MAST4: variants seen among roughly 807,000 people sequenced by gnomAD.
The protein encoded by MAST4 is microtubule associated serine/threonine kinase family member 4.
In MAST4, 89 loss-of-function variants were observed where a neutral mutation model predicts 162.7. That is an observed-to-expected ratio of 0.55 (90% confidence interval 0.46 to 0.65). The LOEUF is 0.65. Among genes scored for constraint, MAST4 ranks in the 30% least tolerant of loss-of-function variants. The probability of loss-of-function intolerance (pLI) is 0.00; values close to 1 mark genes in which losing one functional copy is unlikely to be tolerated. For missense variants in MAST4, 3,153 were observed against 3,374.0 expected (o/e 0.93, Z 1.62); for synonymous variants, 1,479 against 1,361.1 (o/e 1.09, Z -1.91).
At chr5:66,948,937 A>G (rs1561470625) in intron 4 of MAST4, among the ~76,000 whole-genome samples, 1 of 151,756 alleles carries the variant, frequency 6.6e-6, no homozygotes, top group African/African-American at 2.4e-5. Context: ...TTTAATTCAC[A>G]CCCCCCCAAC....
intron 1 of MAST4, among the ~76,000 whole-genome samples, chr5:66,601,215 T>C (rs928705531): frequency 2.6e-5 from 4 of 152,204 alleles, no homozygotes; most frequent in Non-Finnish European, 5.9e-5. Flanking sequence ...TCACAGAAGC[T>C]ACATAATTCT....
Position 67,164,537 on chromosome 5 carries a change from C to T in MAST4, c.5358C>T (p.Ser1786=), listed in dbSNP as rs780345404. 45 of 1,613,858 alleles carry T rather than the reference C, an allele frequency of 2.8e-5. No homozygotes were observed. The Admixed American group carries it at 2.8e-4, about 10-fold the overall frequency. ...AGTCCCCTGTTAGGAAGAGCCCCTC[C>T]GAGTATAAGCTGGAAGGTAGGTCTG... ...APESPVRKSP[S]EYKLEGRSVS... is the part of the protein sequence containing the mutation. The change falls in exon 29 of 29, where the codon TCC becomes TCT. Residue 1786 remains serine, a synonymous_variant. Coordinates refer to ENST00000403625, the MANE Select transcript of MAST4 (RefSeq NM_001164664.2). The surrounding 1 kb of genome is among the most constrained non-coding windows in gnomAD (Gnocchi z 5.3).
chr5:66,845,671 T>C (rs1438552987), intron 3 of MAST4, among the ~76,000 whole-genome samples: 1 of 152,114 alleles, frequency 6.6e-6, no homozygotes, highest in Non-Finnish European at 1.5e-5. Context: ...TAGTTCTCGA[T>C]CCTTGAGGGA....
At chr5:67,098,386 G>C (rs1444423585) in intron 7 of MAST4, among the ~76,000 whole-genome samples, 1 of 152,096 alleles carries the variant, frequency 6.6e-6, no homozygotes, top group Non-Finnish European at 1.5e-5. Context: ...TTTCCAATGT[G>C]ATATTCAGAT....
chr5:66,789,731 A>G (rs1468893063), intron 3 of MAST4: 1 of 518,802 alleles, frequency 1.9e-6, no homozygotes, highest in Non-Finnish European at 3.8e-6. Flanking sequence ...TCTCCACTGT[A>G]GTTACCACTT....
At chr5:66,821,944 TC>T (rs1438728184) in intron 3 of MAST4, among the ~76,000 whole-genome samples, 1 of 152,110 alleles carries the variant, frequency 6.6e-6, no homozygotes, top group Non-Finnish European at 1.5e-5. Context: ...GGACCAGGTG[TC>T]CCCAGTGAGG....
chr5:67,102,819 C>G (rs987093882), intron 9 of MAST4, among the ~76,000 whole-genome samples: 3 of 152,164 alleles, frequency 2.0e-5, no homozygotes, highest in African/African-American at 7.2e-5. Flanking sequence ...TCTACGTGTG[C>G]TGAGCTGGCT....
At chr5:66,889,554 C>T (rs1384185720) in intron 3 of MAST4, among the ~76,000 whole-genome samples, 2 of 152,134 alleles carry the variant, frequency 1.3e-5, no homozygotes, top group Admixed American at 6.5e-5. Context: ...TAATTTGCTT[C>T]GAATTTTCAA....
intron 5 of MAST4, among the ~76,000 whole-genome samples, chr5:67,057,030 G>A (rs1201429580): frequency 6.6e-6 from 1 of 152,052 alleles, no homozygotes; most frequent in Non-Finnish European, 1.5e-5. Context: ...ATGTTATGGA[G>A]CCAACATGTT....
chr5:66,646,560 G>T (rs1745853890), intron 1 of MAST4, among the ~76,000 whole-genome samples: 1 of 152,150 alleles, frequency 6.6e-6, no homozygotes, highest in African/African-American at 2.4e-5. Context: ...TTTCCAGGAA[G>T]CTAGGATTGT....
At chr5:67,060,705 C>T (rs1199713349) in intron 5 of MAST4, among the ~76,000 whole-genome samples, 3 of 152,052 alleles carry the variant, frequency 2.0e-5, no homozygotes, top group African/African-American at 7.2e-5. Context: ...TCTCGATCTC[C>T]TGACCTCGTG....
At chr5:67,049,047 A>ATATC (rs1757811875) in intron 4 of MAST4, among the ~76,000 whole-genome samples, 1 of 112,852 alleles carries the variant, frequency 8.9e-6, no homozygotes, top group Non-Finnish European at 1.8e-5. Flanking sequence ...ATATACGTGT[A>ATATC]TATATATATA....
chr5:66,937,135 C>T (rs1742835173), intron 4 of MAST4, among the ~76,000 whole-genome samples: 1 of 152,170 alleles, frequency 6.6e-6, no homozygotes, highest in Admixed American at 6.5e-5. Flanking sequence ...CGGTACTTTA[C>T]TATTTAATAA....
intron 3 of MAST4, among the ~76,000 whole-genome samples, chr5:66,826,636 G>T (rs1420150717): frequency 6.6e-6 from 1 of 151,236 alleles, no homozygotes; most frequent in Admixed American, 6.6e-5. Context: ...TTTCTCTGTA[G>T]TGGGAATTTG....
rs1773421244 is a variant in MAST4, at chr5:67,163,179, T to C, written c.4000T>C (p.Ser1334Pro). Reference protein sequence around the residue: ...TNSSQSSSPSSSAPNSPAGSG... With the variant: ...TNSSQSSSPSPSAPNSPAGSG... ...TTCCTCCCAGAGCAGCTCCCCTAGT[T>C]CTAGTGCCCCCAATTCCCCAGCAGG... The change falls in exon 29 of 29, where the codon TCT (serine) becomes CCT (proline). Residue 1334 changes from serine (S) to proline (P), a missense_variant. This residue lies in a region of MAST4 where 619 missense variants were observed against 744.2 expected (regional missense o/e 0.83). Transcript: ENST00000403625. The surrounding 1 kb of genome is among the most constrained non-coding windows in gnomAD (Gnocchi z 7.0). 6.2e-7 allele frequency: 1 copy of C among 1,610,980 alleles called. No homozygotes were observed. The highest frequency in any genetic ancestry group is 8.5e-7 in the Non-Finnish European group (1 of 1,177,506).
chr5:66,885,398 T>G (rs1009344509), intron 3 of MAST4, among the ~76,000 whole-genome samples: 1 of 152,136 alleles, frequency 6.6e-6, no homozygotes, highest in Non-Finnish European at 1.5e-5. Flanking sequence ...AAATGCAGAG[T>G]CTAGCATATT....
chr5:66,729,353 T>C (rs1401971891), intron 1 of MAST4, among the ~76,000 whole-genome samples: 1 of 152,180 alleles, frequency 6.6e-6, no homozygotes, highest in Admixed American at 6.5e-5. Flanking sequence ...AAATGAAATA[T>C]CTGAACAGGC....
chr5:66,746,040 T>C (rs1752739370), intron 1 of MAST4, among the ~76,000 whole-genome samples: 1 of 152,202 alleles, frequency 6.6e-6, no homozygotes, highest in Non-Finnish European at 1.5e-5. Flanking sequence ...CAGTCATCTT[T>C]CTAAATCTGG....
chr5:66,774,296 A>T lies in MAST4; in HGVS notation c.518-14374A>T, dbSNP rs74638349. ...TGGTCTTGGTTGCCAGGAATCTCAA[A>T]GTATTTTATTTTGGTTTTGCTCCAT... On this transcript the variant is annotated intron_variant, in intron 2 of 28. Coordinates refer to ENST00000403625, the MANE Select transcript of MAST4 (RefSeq NM_001164664.2). Among the ~76,000 whole-genome samples, 911 of 152,338 alleles carry T rather than the reference A, an allele frequency of 6.0e-3. 9 individuals are homozygous for T. The highest frequency in any genetic ancestry group is 0.021 in the African/African-American group (871 of 41,568).
Sources: gnomAD v4.1 joint callset for allele counts (sites outside exome capture counted in the v4.1 genomes callset) on GRCh38, gnomAD v4.1.1 for gene constraint, gnomAD v4.1.1 regional missense constraint, Gnocchi (gnomAD v3.1) non-coding constraint, MANE v1.5 for transcripts, NCBI Gene and HGNC (gene_info 2026-07-23, HGNC 2026-07-21) for gene names.